NBAS: variants seen among roughly 807,000 people sequenced by gnomAD.
NBAS encodes the protein NAG/BC035112 fusion.
NBAS carries 219 observed loss-of-function variants against 302.5 expected under a neutral mutation model. The observed-to-expected ratio is 0.72, with a 90% CI of 0.65 to 0.81. NBAS has a LOEUF of 0.81. Ranked by LOEUF, NBAS falls within the 30% of genes least tolerant of loss-of-function variation. The pLI is 0.00. For missense variants in NBAS, 2,932 were observed against 2,841.6 expected (o/e 1.03, Z -0.72); for synonymous variants, 1,118 against 1,021.6 (o/e 1.09, Z -1.80).
At chr2:15,557,714 T>C (rs989096008) in intron 2 of NBAS, among the ~76,000 whole-genome samples, 1 of 152,192 alleles carries the variant, frequency 6.6e-6, no homozygotes, top group South Asian at 2.1e-4. Context: ...AGACATGCAG[T>C]CAAATTCCAA....
chr2:14,970,587 A>C, the NBAS span, among the ~76,000 whole-genome samples: 13,713 of 152,202 alleles, frequency 0.09, 1,647 homozygotes, highest in African/African-American at 0.27. Flanking sequence ...GCAGGCAGAG[A>C]AGAGATTCTC....
chr2:15,270,003 A>C (rs530425972), intron 44 of NBAS, among the ~76,000 whole-genome samples: 2 of 152,334 alleles, frequency 1.3e-5, no homozygotes, highest in Admixed American at 6.5e-5. Flanking sequence ...GAATGCAGAA[A>C]CTAACATGAG....
intron 10 of NBAS, among the ~76,000 whole-genome samples, chr2:15,506,957 G>A (rs1661886166): frequency 6.6e-6 from 1 of 152,170 alleles, no homozygotes; most frequent in Non-Finnish European, 1.5e-5. Flanking sequence ...CCATTCGAGT[G>A]AATTCAAGAG....
At chr2:15,065,084 A>C in the NBAS span, among the ~76,000 whole-genome samples, 10 of 152,158 alleles carry the variant, frequency 6.6e-5, no homozygotes. Context: ...TATAGAAAAA[A>C]TTTACCTCAA....
Position 15,215,554 on chromosome 2 carries a change from T to G in NBAS, c.6432+3219A>C, listed in dbSNP as rs553120155. Reference sequence around the variant, plus strand: ...ATTCTTATCCTTACTCTGTAAGAACTTGTCTCTATCCTTAATATCACCCAA... The same window carrying G: ...ATTCTTATCCTTACTCTGTAAGAACGTGTCTCTATCCTTAATATCACCCAA... On this transcript the variant is annotated intron_variant, in intron 48 of 51. Transcript: ENST00000281513. 8.8e-4 allele frequency among the ~76,000 whole-genome samples: 134 copies of G among 152,344 alleles called. 1 individual carries two copies. The South Asian group carries it at 0.026, about 29-fold the overall frequency.
rs760116835 is a variant in NBAS, at chr2:15,275,491, A to G, written c.5717T>C (p.Val1906Ala). 1.4e-5 allele frequency: 22 copies of G among 1,614,066 alleles called. No individual in the cohort carries two copies. The highest frequency in any genetic ancestry group is 1.8e-5 in the Non-Finnish European group (21 of 1,179,984). Residue 1906 changes from valine to alanine, a missense_variant, in exon 44 of 52, where the codon GTG becomes GCG. By Grantham distance (64) the Val-to-Ala change is moderately conservative. Transcript: ENST00000281513. ...AAATATCTTTTTGTTTACCTTGGTC[A>G]CAGCTTTTGGAGAAAATGTAACTGC... ...VDAVTFSPKA[V>A]TKLSVEARKE...
chr2:15,208,586 C>A (rs754661967), intron 48 of NBAS, among the ~76,000 whole-genome samples: 13 of 152,106 alleles, frequency 8.5e-5, no homozygotes, highest in African/African-American at 3.1e-4. Context: ...TTTCCCCCAA[C>A]AGCTGGAGAA....
the NBAS span, among the ~76,000 whole-genome samples, chr2:14,878,362 T>C: frequency 6.6e-6 from 1 of 152,210 alleles, no homozygotes; most frequent in Non-Finnish European, 1.5e-5. Context: ...TGGGGTGTCC[T>C]TCACAGTTGT....
the NBAS span, among the ~76,000 whole-genome samples, chr2:15,125,982 T>C: frequency 6.6e-6 from 1 of 152,130 alleles, no homozygotes; most frequent in South Asian, 2.1e-4. Flanking sequence ...GGCAGAATAA[T>C]ATGGTTTGGA....
At chr2:15,174,609 A>G (rs1157030487) in intron 51 of NBAS, among the ~76,000 whole-genome samples, 1 of 152,224 alleles carries the variant, frequency 6.6e-6, no homozygotes, top group Non-Finnish European at 1.5e-5. Flanking sequence ...TGTTTTGCAG[A>G]GCTAATATTA....
chr2:15,122,921 C>T, the NBAS span, among the ~76,000 whole-genome samples: 4 of 151,584 alleles, frequency 2.6e-5, no homozygotes, highest in African/African-American at 9.8e-5. Flanking sequence ...CTGGGATTTG[C>T]ACTACATCCT....
At chr2:15,437,926 T>G (rs548121644) in intron 21 of NBAS, among the ~76,000 whole-genome samples, 2 of 152,170 alleles carry the variant, frequency 1.3e-5, no homozygotes, top group Non-Finnish European at 2.9e-5. Context: ...AAGAATGAAG[T>G]GGGATATATG....
intron 6 of NBAS, 21 bp from the exon 7 acceptor site, chr2:15,539,377 A>C: frequency 6.2e-7 from 1 of 1,614,078 alleles, no homozygotes; most frequent in Non-Finnish European, 8.5e-7. Context: ...AGAAAACAAG[A>C]GGTGCTTCTA....
At chr2:15,238,074 CTATTTT>C (rs555933257) in intron 45 of NBAS, among the ~76,000 whole-genome samples, 6 of 152,242 alleles carry the variant, frequency 3.9e-5, no homozygotes, top group Admixed American at 1.3e-4. Flanking sequence ...CGCGCCCAGC[CTATTTT>C]TATTTTTATT....
At chr2:15,027,377 G>A in the NBAS span, among the ~76,000 whole-genome samples, 640 of 151,488 alleles carry the variant, frequency 4.2e-3, 2 homozygotes, top group African/African-American at 0.015. Context: ...TCTTTTTCTT[G>A]TTGTTGTTAT....
At chr2:15,067,659 C>T in the NBAS span, among the ~76,000 whole-genome samples, 10 of 151,538 alleles carry the variant, frequency 6.6e-5, no homozygotes, top group Admixed American at 5.9e-4. Flanking sequence ...AGAATGGTGG[C>T]TTTTAGGGGC....
intron 23 of NBAS, among the ~76,000 whole-genome samples, chr2:15,423,050 T>C (rs1466242451): frequency 6.6e-6 from 1 of 152,186 alleles, no homozygotes; most frequent in African/African-American, 2.4e-5. Context: ...GATCATTTAT[T>C]TTTTTACAGT....
the NBAS span, among the ~76,000 whole-genome samples, chr2:15,084,218 C>T: frequency 6.6e-6 from 1 of 151,828 alleles, no homozygotes; most frequent in Non-Finnish European, 1.5e-5. Flanking sequence ...ATAGTGTATG[C>T]CTGCCTAATT....
intron 35 of NBAS, among the ~76,000 whole-genome samples, chr2:15,348,835 A>C (rs1032051546): frequency 3.3e-5 from 5 of 152,236 alleles, no homozygotes; most frequent in Admixed American, 2.0e-4. Flanking sequence ...AAGAGCACAC[A>C]GAGATGGCAT....
Sources: allele counts gnomAD v4.1 joint callset (sites outside exome capture counted in the v4.1 genomes callset), GRCh38; gene constraint gnomAD v4.1.1; transcripts MANE v1.5; gene names NCBI Gene and HGNC (gene_info 2026-07-23, HGNC 2026-07-21).